NXN: variants seen among roughly 807,000 people sequenced by gnomAD.
The protein encoded by NXN is nucleoredoxin.
NXN carries 16 observed loss-of-function variants against 48.6 expected under a neutral mutation model. The observed-to-expected ratio is 0.33, with a 90% CI of 0.22 to 0.50. NXN has a LOEUF of 0.50. NXN is among the 20% of genes least tolerant of loss of function. The probability of loss-of-function intolerance (pLI) is 0.98; values close to 1 mark genes in which losing one functional copy is unlikely to be tolerated. For synonymous variants in NXN, 281 were observed against 269.6 expected (o/e 1.04, Z -0.41); for missense variants, 492 against 605.5 (o/e 0.81, Z 1.97).
intron 1 of NXN, among the ~76,000 whole-genome samples, chr17:863,473 T>C (rs889657982): frequency 6.6e-6 from 1 of 151,702 alleles, no homozygotes; most frequent in African/African-American, 2.4e-5. Flanking sequence ...AGCCGTGTTT[T>C]GTTTTGAGAC....
intron 1 of NXN, among the ~76,000 whole-genome samples, chr17:846,311 G>A (rs1216869551): frequency 2.0e-5 from 3 of 151,116 alleles, no homozygotes; most frequent in African/African-American, 7.3e-5. Context: ...CCAGCTGCTC[G>A]GGAGGCTGAG....
intron 1 of NXN, among the ~76,000 whole-genome samples, chr17:832,408 G>A (rs563686206): frequency 6.6e-6 from 1 of 151,030 alleles, no homozygotes; most frequent in African/African-American, 2.4e-5. Flanking sequence ...GGATGGTCTC[G>A]ATCTCCTGAC....
At chr17:906,996 C>T (rs1426734624) in intron 1 of NXN, among the ~76,000 whole-genome samples, 1 of 152,150 alleles carries the variant, frequency 6.6e-6, no homozygotes, top group Non-Finnish European at 1.5e-5. Flanking sequence ...TTGCACACAC[C>T]TGTCCTTCCT....
intron 5 of NXN, among the ~76,000 whole-genome samples, chr17:812,023 G>A (rs1031222032): frequency 2.8e-5 from 4 of 145,010 alleles, no homozygotes; most frequent in South Asian, 4.4e-4. Context: ...CGTCTCCCGG[G>A]TTCACGCCAT....
In NXN at chr17:979,356, G is replaced by C; in HGVS notation, c.323C>G (p.Pro108Arg). ...RQWQDFVRDM[P>R]WLALPYKEKH... is the part of the protein sequence containing the mutation. ...CTCCTTGTAGGGCAGCGCCAGCCAC[G>C]GCATGTCCCGCACGAAGTCCTGCCA... The change falls in exon 1 of 8, where the codon CCG becomes CGG. Residue 108 changes from proline (P) to arginine (R), a missense_variant. Physicochemically the swap from Pro to Arg is moderately radical, Grantham distance 103. Transcript: ENST00000336868. The C allele has an allele frequency of 1.3e-6, 2 of 1,542,964 alleles. No individual in the cohort carries two copies. The highest frequency in any genetic ancestry group is 1.7e-6 in the Non-Finnish European group (2 of 1,148,878).
At chr17:943,963 C>T (rs1415074588) in intron 1 of NXN, among the ~76,000 whole-genome samples, 1 of 152,088 alleles carries the variant, frequency 6.6e-6, no homozygotes, top group Non-Finnish European at 1.5e-5. Flanking sequence ...TTTGGCCGGG[C>T]ACGGTGGCTC....
intron 1 of NXN, chr17:930,159 TGCAGTG>T (rs988983875): frequency 2.0e-5 from 3 of 151,582 alleles, no homozygotes; most frequent in African/African-American, 7.3e-5. Context: ...TCAGGCTGGG[TGCAGTG>T]GCTCACACCT....
At chr17:926,555 T>G (rs539204719) in intron 1 of NXN, among the ~76,000 whole-genome samples, 4 of 135,464 alleles carry the variant, frequency 3.0e-5, no homozygotes, top group South Asian at 2.3e-4. Context: ...GTTTTTTTGT[T>G]TTTTTTTTGA....
At chr17:925,021 T>C (rs73277433) in intron 1 of NXN, among the ~76,000 whole-genome samples, 2,541 of 152,318 alleles carry the variant, frequency 0.017, 77 homozygotes, top group African/African-American at 0.056. Context: ...CCCAGGGCCT[T>C]GGGAGCAGCC....
Position 979,304 on chromosome 17 carries a change from G to C in NXN, c.360+15C>G. The C allele has an allele frequency of 6.7e-7, 1 of 1,492,556 alleles. No homozygotes were observed. Among genetic ancestry groups the C allele is most frequent in the Non-Finnish European group, 8.9e-7 (1 of 1,123,138 alleles). 92.5% of individuals were successfully genotyped at this position (1,492,556 alleles called of 1,614,324 possible). ...TGGGGGGCGGGCAGGGGCCGGCGAG[G>C]CCCGCGCCGCTCACCTTCCTGTGCT... On this transcript the variant is annotated intron_variant, in intron 1 of 7. Transcript: ENST00000336868.
chr17:810,628 A>G (rs868185486), intron 5 of NXN, among the ~76,000 whole-genome samples: 84 of 152,206 alleles, frequency 5.5e-4, no homozygotes, highest in Admixed American at 2.4e-3. Flanking sequence ...GGTGGCTCAC[A>G]CCTGTAATCC....
At chr17:928,849 G>A (rs2068826655) in intron 1 of NXN, among the ~76,000 whole-genome samples, 1 of 151,994 alleles carries the variant, frequency 6.6e-6, no homozygotes, top group Admixed American at 6.6e-5. Context: ...AAATAATTAA[G>A]GAAATAAAAG....
intron 5 of NXN, among the ~76,000 whole-genome samples, chr17:807,406 C>T (rs543031170): frequency 2.6e-4 from 39 of 152,306 alleles, no homozygotes; most frequent in African/African-American, 6.7e-4. Context: ...GAGGCAGGCA[C>T]GGGGGACGGG....
chr17:810,402 G>A (rs919338658), intron 5 of NXN, among the ~76,000 whole-genome samples: 1 of 152,170 alleles, frequency 6.6e-6, no homozygotes, highest in Non-Finnish European at 1.5e-5. Context: ...GGATGACAGC[G>A]AGATATCTAT....
At position 979,765 on chromosome 17, in the gene NXN, G is replaced by C; in HGVS notation, c.-87C>G. On this transcript the variant is annotated 5_prime_UTR_variant, in exon 1 of 8. Coordinates refer to ENST00000336868, the MANE Select transcript of NXN (RefSeq NM_022463.5). ...GGAGGCGGCGGCGTCGGCGGCAGGC[G>C]CTGGGGAGAGCAGAGCCCGGCCCAG... 8.9e-7 allele frequency: 1 copy of C among 1,125,436 alleles called. No individual in the cohort carries two copies. The highest frequency in any genetic ancestry group is 1.1e-6 in the Non-Finnish European group (1 of 888,038). 69.7% of individuals were successfully genotyped at this position (1,125,436 alleles called of 1,614,324 possible).
chr17:843,012 GAA>G lies in NXN; in HGVS notation c.361-16936_361-16935del, dbSNP rs1491477619. 2.7e-3 allele frequency among the ~76,000 whole-genome samples: 269 copies of G among 99,462 alleles called. 1 individual carries two copies. The highest frequency in any genetic ancestry group is 4.3e-3 in the Non-Finnish European group (196 of 45,062). The allele number at this position is 99,462 out of a possible 152,430, so 65.3% of individuals were successfully genotyped here. ...AGAGAGAAAGAGAGAAAGAGAGAAA[GAA>G]AGAAAGAAAGAAAGAAAGAAAGAAA... On this transcript the variant is annotated intron_variant, in intron 1 of 7. Coordinates refer to ENST00000336868, the MANE Select transcript of NXN (RefSeq NM_022463.5).
Position 920,285 on chromosome 17 carries a change from G to A in NXN, c.360+59034C>T, listed in dbSNP as rs2068732838. ...CCCTGGCTCCCGCTTTGACCTGGAG[G>A]AATCTGGCAACGTCAACATCAAGTG... On this transcript the variant is annotated intron_variant, in intron 1 of 7. Transcript: ENST00000336868. The surrounding 1 kb of genome is among the most constrained non-coding windows in gnomAD (Gnocchi z 4.6). Among the ~76,000 whole-genome samples the A allele has an allele frequency of 6.6e-6, 1 of 152,266 alleles. No homozygotes were observed. The highest frequency in any genetic ancestry group is 2.1e-4 in the South Asian group (1 of 4,828).
intron 1 of NXN, among the ~76,000 whole-genome samples, chr17:851,317 G>A (rs1161626027): frequency 6.6e-6 from 1 of 152,284 alleles, no homozygotes; most frequent in Non-Finnish European, 1.5e-5. Context: ...AAAAGACAGC[G>A]CAAGCCTCTG....
At chr17:855,905 C>A (rs1188620445) in intron 1 of NXN, among the ~76,000 whole-genome samples, 1 of 152,032 alleles carries the variant, frequency 6.6e-6, no homozygotes, top group East Asian at 1.9e-4. Flanking sequence ...ATAAGAGGGT[C>A]CAATCTAGGC....
Sources: allele counts gnomAD v4.1 joint callset (sites outside exome capture counted in the v4.1 genomes callset), GRCh38; gene constraint gnomAD v4.1.1; non-coding constraint Gnocchi (gnomAD v3.1); transcripts MANE v1.5; gene names NCBI Gene and HGNC (gene_info 2026-07-23, HGNC 2026-07-21).